The following WDR5 variants were observed in gnomAD, a reference collection of about 807,000 sequenced individuals.
WDR5 encodes the protein WD repeat-containing protein 5.
For missense variants in WDR5, 187 were observed against 416.9 expected, an observed-to-expected ratio of 0.45 and a Z score of 4.80; for synonymous variants, 144 against 161.6, an observed-to-expected ratio of 0.89 and a Z score of 0.83.
At position 134,159,776 on chromosome 9, in the gene WDR5, C is replaced by G. The variant is rs1832910813; in HGVS notation, c.*1783C>G. On this transcript the variant is annotated 3_prime_UTR_variant, in exon 14 of 14. Coordinates refer to ENST00000358625, the MANE Select transcript of WDR5 (RefSeq NM_017588.3). This position sits in a 1 kb window ranked among gnomAD's most constrained non-coding sequence, Gnocchi z 4.3. ...CTCCGCGTGCCAGCCTGTGGCTGCC[C>G]TGCTGTGGGGGTCCTGGGGCCGGCG... is the stretch of plus-strand genomic sequence containing the variant. 6.6e-6 allele frequency: 1 copy of G among 152,114 alleles called. No individual in the cohort carries two copies. 9.4% of individuals were successfully genotyped at this position (152,114 alleles called of 1,614,324 possible). A position where few individuals can be genotyped will look rare whatever the true frequency, so the allele number is the denominator to read the frequency against.
At chr9:134,156,876 G>T (rs552183220) in intron 13 of WDR5, among the ~76,000 whole-genome samples, 1 of 152,346 alleles carries the variant, frequency 6.6e-6, no homozygotes, top group East Asian at 1.9e-4. Context: ...CTTTAGGTGG[G>T]TGCAGCCCGT....
In WDR5 at chr9:134,156,497, G is replaced by A. The variant is rs1018185235; in HGVS notation, c.817-9G>A. The A allele has an allele frequency of 1.9e-6, 3 of 1,613,940 alleles. No homozygotes were observed. In the African/African-American group the frequency reaches 4.0e-5, roughly 22 times the overall value. On this transcript the variant is annotated splice_polypyrimidine_tract_variant and intron_variant, in intron 12 of 13. Coordinates refer to ENST00000358625, the MANE Select transcript of WDR5 (RefSeq NM_017588.3). ...CCTTGCCCTGTTTTCCCTGCTTGTTGTTACGTAGTGGATTGTGTCTGGCTC... is the reference window on the plus strand; with the variant it reads ...CCTTGCCCTGTTTTCCCTGCTTGTTATTACGTAGTGGATTGTGTCTGGCTC...
intron 7 of WDR5, among the ~76,000 whole-genome samples, chr9:134,144,093 C>T (rs28440102): frequency 0.05 from 7,649 of 152,322 alleles, 441 homozygotes; most frequent in African/African-American, 0.14. Flanking sequence ...AGGCTTTGCC[C>T]GAGTGAGATG....
At chr9:134,145,255 C>A (rs374758700) in intron 7 of WDR5, among the ~76,000 whole-genome samples, 3 of 152,108 alleles carry the variant, frequency 2.0e-5, no homozygotes, top group African/African-American at 7.2e-5. Flanking sequence ...CCCACTACCA[C>A]GACTGGCTAA....
At position 134,154,559 on chromosome 9, in the gene WDR5, C is replaced by G. The variant is rs759107201; in HGVS notation, c.707+18C>G. On this transcript the variant is annotated intron_variant, in intron 10 of 13. Coordinates refer to ENST00000358625, the MANE Select transcript of WDR5 (RefSeq NM_017588.3). The stretch of plus-strand genomic sequence containing the variant: ...CTGGACAAGTGAGTACTGCGTGGGA[C>G]TGTGGGGGCGGGCATGTGGCCTCCC... The G allele has an allele frequency of 6.2e-7, 1 of 1,613,700 alleles. No individual in the cohort carries two copies. The highest frequency in any genetic ancestry group is 1.1e-5 in the South Asian group (1 of 91,064).
At chr9:134,143,544 T>G (rs1234042835) in intron 7 of WDR5, among the ~76,000 whole-genome samples, 1 of 151,072 alleles carries the variant, frequency 6.6e-6, no homozygotes, top group East Asian at 2.0e-4. Context: ...TTTTTTTTTT[T>G]GAGACTGAGT....
At chr9:134,153,602 C>T (rs372491096) in intron 9 of WDR5, among the ~76,000 whole-genome samples, 3 of 152,236 alleles carry the variant, frequency 2.0e-5, no homozygotes, top group Non-Finnish European at 2.9e-5. Context: ...CAGCGTCTCC[C>T]GTGCCTTTTC....
In WDR5 at chr9:134,157,975, G is replaced by C. The variant is rs145909086; in HGVS notation, c.987G>C (p.Leu329=). 2.5e-5 allele frequency: 41 copies of C among 1,614,004 alleles called. No homozygotes were observed. The highest frequency in any genetic ancestry group is 3.3e-5 in the Non-Finnish European group (39 of 1,179,986). Residue 329 remains leucine (L), a synonymous_variant, in exon 14 of 14, where the codon CTG becomes CTC. Coordinates refer to ENST00000358625, the MANE Select transcript of WDR5 (RefSeq NM_017588.3). The surrounding 1 kb of genome is among the most constrained non-coding windows in gnomAD (Gnocchi z 5.0). ...AALENDKTIK[L]WKSDC ...TAGAAAATGACAAAACAATTAAACT[G>C]TGGAAGAGTGACTGCTAAGTCCCTT...
chr9:134,140,026 T>G (rs1396922344), intron 2 of WDR5, 68 bp downstream of exon 2: 17 of 1,560,414 alleles, frequency 1.1e-5, no homozygotes, highest in Non-Finnish European at 1.5e-5. Context: ...CGGAAACATC[T>G]CAAGCTCATA....
intron 7 of WDR5, 76 bp from the exon 8 acceptor site, chr9:134,148,212 G>GTT: frequency 6.2e-6 from 1 of 160,270 alleles, no homozygotes; most frequent in Non-Finnish European, 1.1e-5. Flanking sequence ...TTTTTTTTTT[G>GTT]AGATCAGGTA....
chr9:134,157,981 G>T lies in WDR5; in HGVS notation c.993G>T (p.Lys331Asn). The T allele has an allele frequency of 6.2e-7, 1 of 1,614,100 alleles. No individual in the cohort carries two copies. The highest frequency in any genetic ancestry group is 8.5e-7 in the Non-Finnish European group (1 of 1,179,958). Residue 331 changes from lysine to asparagine, a missense_variant, in exon 14 of 14, where the codon AAG becomes AAT. By Grantham distance (94) the Lys-to-Asn change is moderately conservative. Transcript: ENST00000358625. The surrounding 1 kb of genome is among the most constrained non-coding windows in gnomAD (Gnocchi z 5.0). ...ATGACAAAACAATTAAACTGTGGAA[G>T]AGTGACTGCTAAGTCCCTTTGCTCC... The part of the protein sequence containing the change: ...LENDKTIKLW[K>N]SDC
chr9:134,143,194 G>A (rs1228757951), intron 7 of WDR5, among the ~76,000 whole-genome samples: 1 of 152,196 alleles, frequency 6.6e-6, no homozygotes, highest in Non-Finnish European at 1.5e-5. Flanking sequence ...TCCGGAGAGC[G>A]GGCCTTGCAC....
chr9:134,144,329 T>G (rs1311428838), intron 7 of WDR5, among the ~76,000 whole-genome samples: 10 of 152,154 alleles, frequency 6.6e-5, no homozygotes, highest in Non-Finnish European at 1.5e-4. Context: ...CCAGGACACC[T>G]TGGGTCATAG....
chr9:134,145,572 A>G (rs28485412), intron 7 of WDR5, among the ~76,000 whole-genome samples: 20,310 of 152,228 alleles, frequency 0.13, 1,548 homozygotes, highest in East Asian at 0.23. Context: ...TTTGTGCGGG[A>G]TGGCTTTGGA....
At position 134,158,702 on chromosome 9, in the gene WDR5, G is replaced by A. The variant is rs977036161; in HGVS notation, c.*709G>A. On this transcript the variant is annotated 3_prime_UTR_variant, in exon 14 of 14. Transcript: ENST00000358625. Reference sequence around the variant, plus strand: ...TTTTGTGAATGGTTGTGGCAAGTGCGTCCTTGTGAAGCTCGTCTCCATGTG... The same window carrying A: ...TTTTGTGAATGGTTGTGGCAAGTGCATCCTTGTGAAGCTCGTCTCCATGTG... The A allele has an allele frequency of 2.6e-5, 4 of 152,244 alleles. No individual in the cohort carries two copies. The highest frequency in any genetic ancestry group is 2.1e-4 in the South Asian group (1 of 4,834). The allele number at this position is 152,244 out of a possible 1,614,324, so 9.4% of individuals were successfully genotyped here.
At position 134,157,222 on chromosome 9, in the gene WDR5, C is replaced by G. The variant is rs1432454896; in HGVS notation, c.904+629C>G. 2.0e-5 allele frequency among the ~76,000 whole-genome samples: 3 copies of G among 152,312 alleles called. No homozygotes were observed. The East Asian group carries it at 5.8e-4, about 29-fold the overall frequency. ...CTCCCTCCCTGTGAGCAGCTTCACC[C>G]AGCCTGGGGTCAGTGCTTACGCTCC... is the stretch of plus-strand genomic sequence containing the variant. On this transcript the variant is annotated intron_variant, in intron 13 of 13. Transcript: ENST00000358625. The surrounding 1 kb of genome is among the most constrained non-coding windows in gnomAD (Gnocchi z 5.0).
chr9:134,143,964 C>G (rs1307942632), intron 7 of WDR5, among the ~76,000 whole-genome samples: 1 of 152,220 alleles, frequency 6.6e-6, no homozygotes, highest in East Asian at 1.9e-4. Context: ...CCAATCCTGC[C>G]CTTCGTTGAG....
intron 8 of WDR5, among the ~76,000 whole-genome samples, chr9:134,149,028 G>C (rs1588175369): frequency 6.6e-6 from 1 of 152,142 alleles, no homozygotes; most frequent in Admixed American, 6.5e-5. Context: ...TGGGGAGGAG[G>C]AGGACGGTGG....
At chr9:134,148,676 T>G (rs535397866) in intron 8 of WDR5, among the ~76,000 whole-genome samples, 1 of 152,166 alleles carries the variant, frequency 6.6e-6, no homozygotes. Flanking sequence ...CCCCTTGAGG[T>G]GAAAGCTGTG....
Sources: gnomAD v4.1 joint callset for allele counts (sites outside exome capture counted in the v4.1 genomes callset) on GRCh38, gnomAD v4.1.1 for gene constraint, Gnocchi (gnomAD v3.1) non-coding constraint, MANE v1.5 for transcripts, NCBI Gene and HGNC (gene_info 2026-07-23, HGNC 2026-07-21) for gene names.